The following SOX5 variants were observed in gnomAD, a reference collection of about 807,000 sequenced individuals.
The protein encoded by SOX5 is SRY-box transcription factor 5, also known as transcription factor SOX-5.
SOX5 carries 9 observed loss-of-function variants against 92.0 expected under a neutral mutation model. The ratio of observed to expected loss-of-function variants is 0.10; its 90% confidence interval spans 0.06 to 0.17. The LOEUF (loss-of-function observed/expected upper bound fraction) is 0.17. SOX5 is among the 10% of genes least tolerant of loss of function. The pLI is 1.00. For synonymous variants in SOX5, 344 were observed against 336.3 expected (o/e 1.02, Z -0.25); for missense variants, 642 against 944.5 (o/e 0.68, Z 4.20).
intron 3 of SOX5, among the ~76,000 whole-genome samples, chr12:23,809,589 CTATT>C (rs1042002811): frequency 5.4e-5 from 8 of 148,402 alleles, no homozygotes; most frequent in Non-Finnish European, 1.0e-4. Flanking sequence ...TAAGAATCAT[CTATT>C]TAGTTTTTGA....
chr12:24,483,075 T>C (rs1277337996), intron 1 of SOX5, among the ~76,000 whole-genome samples: 2 of 152,206 alleles, frequency 1.3e-5, no homozygotes, highest in Non-Finnish European at 2.9e-5. Flanking sequence ...GTTACAATGA[T>C]ACTTATTTCC....
chr12:24,094,289 G>T (rs762078107), intron 4 of SOX5, among the ~76,000 whole-genome samples: 47 of 152,098 alleles, frequency 3.1e-4, no homozygotes, highest in Non-Finnish European at 5.7e-4. Flanking sequence ...CATAGCTAAA[G>T]TTGCATATCA....
At chr12:24,478,853 A>G (rs926317904) in intron 1 of SOX5, among the ~76,000 whole-genome samples, 1 of 152,256 alleles carries the variant, frequency 6.6e-6, no homozygotes, top group African/African-American at 2.4e-5. Flanking sequence ...TATATGCCAA[A>G]TGAAACTTTC....
intron 1 of SOX5, among the ~76,000 whole-genome samples, chr12:24,386,009 A>G (rs545251260): frequency 6.6e-6 from 1 of 151,620 alleles, no homozygotes; most frequent in African/African-American, 2.4e-5. Context: ...TAAAATCTTT[A>G]CTAACTACAG....
intron 3 of SOX5, among the ~76,000 whole-genome samples, chr12:23,790,042 C>T (rs952879530): frequency 2.0e-5 from 3 of 152,096 alleles, no homozygotes; most frequent in African/African-American, 7.2e-5. Flanking sequence ...TGTAACAAAT[C>T]CTTACACTCT....
intron 3 of SOX5, among the ~76,000 whole-genome samples, chr12:24,232,290 G>A (rs769162314): frequency 2.0e-5 from 3 of 152,112 alleles, no homozygotes; most frequent in Admixed American, 1.3e-4. Context: ...ACCTTTCAGA[G>A]CTTCTGAAAT....
At chr12:23,718,917 T>C (rs567276231) in intron 6 of SOX5, among the ~76,000 whole-genome samples, 1 of 152,230 alleles carries the variant, frequency 6.6e-6, no homozygotes, top group Admixed American at 6.5e-5. Flanking sequence ...TTAGATAAAA[T>C]ATAAAATTCT....
chr12:23,739,307 AT>A (rs1189599639), intron 5 of SOX5, among the ~76,000 whole-genome samples: 1 of 151,946 alleles, frequency 6.6e-6, no homozygotes, highest in Admixed American at 6.6e-5. Context: ...TTTACTACCA[AT>A]TTTTTTTAAC....
At chr12:24,326,895 C>T (rs1361328663) in intron 2 of SOX5, among the ~76,000 whole-genome samples, 1 of 151,960 alleles carries the variant, frequency 6.6e-6, no homozygotes, top group Non-Finnish European at 1.5e-5. Flanking sequence ...GCCTTTTTTA[C>T]TTGCATTGGT....
At chr12:24,199,161 G>GGC (rs1957287891) in intron 4 of SOX5, among the ~76,000 whole-genome samples, 1 of 152,154 alleles carries the variant, frequency 6.6e-6, no homozygotes, top group Non-Finnish European at 1.5e-5. Flanking sequence ...CTCTGTGTCT[G>GGC]AGATCATGAG....
chr12:24,251,164 T>G (rs1040062257), intron 3 of SOX5, among the ~76,000 whole-genome samples: 3 of 152,186 alleles, frequency 2.0e-5, no homozygotes, highest in Non-Finnish European at 2.9e-5. Context: ...ATTACTGTAC[T>G]TCTACATAAA....
At chr12:24,241,480 A>C (rs1385871356) in intron 3 of SOX5, among the ~76,000 whole-genome samples, 1 of 152,206 alleles carries the variant, frequency 6.6e-6, no homozygotes, top group East Asian at 1.9e-4. Context: ...GGTTCCTTAA[A>C]TCAGAACTAA....
intron 2 of SOX5, among the ~76,000 whole-genome samples, chr12:23,856,154 C>G (rs929274075): frequency 2.0e-5 from 3 of 152,094 alleles, no homozygotes; most frequent in Non-Finnish European, 4.4e-5. Context: ...CCTGAACCCA[C>G]TTTAGCGGGC....
rs1965728689 is a variant in SOX5, at chr12:24,242,521, T to A, written c.-76-29104A>T. Among the ~76,000 whole-genome samples the A allele has an allele frequency of 2.0e-5, 3 of 152,194 alleles. No individual in the cohort carries two copies. In the South Asian group the frequency reaches 6.2e-4, roughly 31 times the overall value. On this transcript the variant is annotated intron_variant, in intron 3 of 4. Transcript: ENST00000446891. ...CTAATATAAAAGATTCATTTTCAAC[T>A]TTCTAAATCAACCTGATCTTTATTC...
chr12:24,481,216 C>T (rs796526895), intron 1 of SOX5, among the ~76,000 whole-genome samples: 1 of 151,758 alleles, frequency 6.6e-6, no homozygotes, highest in Non-Finnish European at 1.5e-5. Flanking sequence ...AAACAATTGA[C>T]CTCATGGAGA....
In SOX5 at chr12:24,042,225, G is replaced by A. The variant is rs1284662388; in HGVS notation, c.-1-146201C>T. On this transcript the variant is annotated intron_variant, in intron 4 of 4. Transcript: ENST00000446891. ...CAAGGCATATAAACAAACAATACAA[G>A]TTTTAGGTAGCCTTGGTACTGTTGG... 2.0e-5 allele frequency among the ~76,000 whole-genome samples: 3 copies of A among 152,006 alleles called. No homozygotes were observed. In the East Asian group the frequency reaches 5.8e-4, roughly 29 times the overall value.
At chr12:24,057,783 AG>A (rs1340998934) in intron 4 of SOX5, among the ~76,000 whole-genome samples, 1 of 152,176 alleles carries the variant, frequency 6.6e-6, no homozygotes, top group African/African-American at 2.4e-5. Context: ...TTTTGGAAAA[AG>A]CATGTCAATA....
chr12:24,494,924 G>A (rs1261052727), intron 1 of SOX5, among the ~76,000 whole-genome samples: 2 of 152,120 alleles, frequency 1.3e-5, no homozygotes, highest in African/African-American at 4.8e-5. Flanking sequence ...GCCAATTAGG[G>A]TTGGATCTGA....
Position 24,491,774 on chromosome 12 carries a change from T to C in SOX5, c.-251+70555A>G, listed in dbSNP as rs1041603994. On this transcript the variant is annotated intron_variant, in intron 1 of 4. Coordinates refer to the SOX5 transcript ENST00000446891. ...TATGTATGTAGTGGAACTCAGTCTA[T>C]CTTTCTTAGACTGTTCTTCCTCATG... Among the ~76,000 whole-genome samples the C allele has an allele frequency of 4.6e-5, 7 of 152,312 alleles. No individual in the cohort carries two copies. In the East Asian group the frequency reaches 1.2e-3, roughly 25 times the overall value.
Sources: gnomAD v4.1 joint callset for allele counts (sites outside exome capture counted in the v4.1 genomes callset) on GRCh38, gnomAD v4.1.1 for gene constraint, MANE v1.5 for transcripts, NCBI Gene and HGNC (gene_info 2026-07-23, HGNC 2026-07-21) for gene names.